Variants in IDO1 observed in about 807,000 individuals in gnomAD.
IDO1 encodes the protein indolamine 2,3 dioxygenase.
A neutral mutation model predicts 38.8 loss-of-function variants in IDO1; 35 were observed. The observed-to-expected ratio is 0.90, with a 90% CI of 0.69 to 1.20. The LOEUF (loss-of-function observed/expected upper bound fraction) is 1.20, where lower values mean the gene tolerates loss of function less well. Ranked by LOEUF, IDO1 falls within the 50% of genes most tolerant of loss-of-function variation. The pLI, the probability that IDO1 is intolerant of heterozygous loss-of-function variation, is 0.00. For missense variants in IDO1, 509 were observed against 485.1 expected, an observed-to-expected ratio of 1.05 and a Z score of -0.46; for synonymous variants, 171 against 170.0, an observed-to-expected ratio of 1.01 and a Z score of -0.05.
Position 39,928,337 on chromosome 8 carries a change from A to G in IDO1, c.*152A>G, listed in dbSNP as rs892525977. ...CTCAAAATACCTGTGCATTTCTTGT[A>G]GGAAAACAACAAAAGGTAATTATGT... On this transcript the variant is annotated 3_prime_UTR_variant, in exon 10 of 10. Transcript: ENST00000518237. 1.1e-4 allele frequency: 63 copies of G among 572,094 alleles called. No individual in the cohort carries two copies. Among genetic ancestry groups the G allele is most frequent in the Middle Eastern group, 4.6e-4 (1 of 2,160 alleles). The allele number at this position is 572,094 out of a possible 1,614,324, so 35.4% of individuals were successfully genotyped here.
chr8:39,917,852 A>C, intron 1 of IDO1, 23 bp from the exon 2 acceptor site: 3 of 1,466,312 alleles, frequency 2.0e-6, no homozygotes, highest in Non-Finnish European at 2.8e-6. Flanking sequence ...ACTACTAAAT[A>C]AAGATCTTTT....
intron 3 of IDO1, 105 bp from the exon 4 acceptor site, chr8:39,918,710 C>T (rs571012439): frequency 4.3e-5 from 27 of 633,140 alleles, no homozygotes; most frequent in South Asian, 2.6e-4. Context: ...CCTGCCACTG[C>T]GCTCCAGCCT....
At chr8:39,926,010 AC>A (rs1272926136) in intron 9 of IDO1, among the ~76,000 whole-genome samples, 2 of 151,030 alleles carry the variant, frequency 1.3e-5, no homozygotes, top group Non-Finnish European at 2.9e-5. Context: ...ACACGGTGAA[AC>A]CCTGTCTCTA....
Position 39,918,847 on chromosome 8 carries a change from C to A in IDO1, c.336C>A (p.Cys112Ter), listed in dbSNP as rs1807225544. The change falls in exon 4 of 10, where the codon TGC becomes TGA. Residue 112 changes from cysteine (C) to a stop codon, truncating the protein, a stop_gained. Coordinates refer to ENST00000518237, the MANE Select transcript of IDO1 (RefSeq NM_002164.6). LOFTEE classifies it high-confidence loss of function. ...CAAGAAATATTGCTGTTCCTTACTG[C>A]CAACTCTCCAAGAAACTGGAACTGC... ...VLPRNIAVPYCQLSKKLELPP... is the reference protein window; with the variant it reads ...VLPRNIAVPY The A allele has an allele frequency of 6.2e-7, 1 of 1,612,438 alleles. No individual in the cohort carries two copies. The highest frequency in any genetic ancestry group is 8.5e-7 in the Non-Finnish European group (1 of 1,178,814).
intron 1 of IDO1, among the ~76,000 whole-genome samples, chr8:39,914,755 TA>T (rs991945693): frequency 3.0e-4 from 45 of 151,978 alleles, no homozygotes; most frequent in Admixed American, 2.8e-3. Flanking sequence ...TTATGTATGT[TA>T]TTTATTTATT....
Position 39,928,185 on chromosome 8 carries a change from A to T in IDO1, c.1212A>T (p.Ter404TyrextTer29). Residue 404 changes from the stop codon to tyrosine, a stop_lost, in exon 10 of 10, where the codon TAA becomes TAT. Coordinates refer to ENST00000518237, the MANE Select transcript of IDO1 (RefSeq NM_002164.6). ...AGAAATCCCTTTTGAAGGAAGGTTA[A>T]TGTAACCCAACAAGAGCACATTTTA... is the stretch of plus-strand genomic sequence containing the variant. ...TTEKSLLKEG[*>Y] 1 of 1,599,134 alleles carries T rather than the reference A, an allele frequency of 6.3e-7. No homozygotes were observed. The highest frequency in any genetic ancestry group is 8.5e-7 in the Non-Finnish European group (1 of 1,170,756).
At position 39,918,169 on chromosome 8, in the gene IDO1, G is replaced by A. The variant is rs756686054; in HGVS notation, c.265G>A (p.Ala89Thr). ...ARLVLGCITM[A>T]YVWGKGHGDV... ...TCTAGTTCTGGGATGCATCACCATG[G>A]CATATGTGTGGGGCAAAGGTCATGG... The change falls in exon 3 of 10, where the codon GCA becomes ACA. Residue 89 changes from alanine to threonine, a missense_variant. Physicochemically the swap from Ala to Thr is moderately conservative, Grantham distance 58 (BLOSUM62 0). Coordinates refer to ENST00000518237, the MANE Select transcript of IDO1 (RefSeq NM_002164.6). 1.2e-6 allele frequency: 2 copies of A among 1,613,854 alleles called. No homozygotes were observed. Among genetic ancestry groups the A allele is most frequent in the Non-Finnish European group, 1.7e-6 (2 of 1,179,814 alleles).
At chr8:39,916,431 T>C (rs1807176367) in intron 1 of IDO1, among the ~76,000 whole-genome samples, 1 of 152,004 alleles carries the variant, frequency 6.6e-6, no homozygotes, top group Admixed American at 6.6e-5. Context: ...TGAACTGAGA[T>C]TGCGCCACTG....
At chr8:39,919,704 G>T (rs1807241139) in intron 4 of IDO1, among the ~76,000 whole-genome samples, 1 of 152,106 alleles carries the variant, frequency 6.6e-6, no homozygotes, top group Non-Finnish European at 1.5e-5. Context: ...ACCGGGAATG[G>T]TGGCGTATGT....
intron 9 of IDO1, among the ~76,000 whole-genome samples, chr8:39,926,788 A>G (rs1807366860): frequency 6.6e-6 from 1 of 152,140 alleles, no homozygotes. Flanking sequence ...CCCCTCACCC[A>G]AGTATAGAAC....
Position 39,913,999 on chromosome 8 carries a change from C to A in IDO1, c.77C>A (p.Pro26Gln). ...HIDEEVGFAL[P>Q]NPQENLPDFY... ...GATGAAGAAGTGGGCTTTGCTCTGCCAAATCCACAGGTAAGAGAAGGCAGT... is the reference window on the plus strand; with the variant it reads ...GATGAAGAAGTGGGCTTTGCTCTGCAAAATCCACAGGTAAGAGAAGGCAGT... The change falls in exon 1 of 10, where the codon CCA (proline) becomes CAA (glutamine). Residue 26 changes from proline to glutamine, a missense_variant. Transcript: ENST00000518237. The A allele has an allele frequency of 6.4e-7, 1 of 1,566,788 alleles. No homozygotes were observed. The highest frequency in any genetic ancestry group is 1.2e-5 in the South Asian group (1 of 84,964).
At chr8:39,923,019 C>A in intron 6 of IDO1, 1 of 213,180 alleles carries the variant, frequency 4.7e-6, no homozygotes, top group Non-Finnish European at 9.3e-6. Context: ...AAAACAAATC[C>A]AAGCTTCTAT....
intron 9 of IDO1, among the ~76,000 whole-genome samples, chr8:39,925,935 C>A (rs753469169): frequency 2.0e-5 from 3 of 152,056 alleles, no homozygotes; most frequent in Non-Finnish European, 2.9e-5. Context: ...CGCCTGTAAT[C>A]CTAGCACTTT....
intron 5 of IDO1, among the ~76,000 whole-genome samples, chr8:39,921,970 TTC>T (rs1286513900): frequency 1.3e-5 from 2 of 152,132 alleles, no homozygotes; most frequent in Admixed American, 6.5e-5. Context: ...GAATTTCTAA[TTC>T]TGAGTGTTTT....
At chr8:39,925,128 A>AC in intron 8 of IDO1, 95 bp from the exon 9 acceptor site, 1 of 1,156,134 alleles carries the variant, frequency 8.6e-7, no homozygotes, top group Non-Finnish European at 1.2e-6. Context: ...ATCTCTTGTC[A>AC]CCTTCTGTTC....
intron 7 of IDO1, among the ~76,000 whole-genome samples, chr8:39,924,279 A>T (rs1807324281): frequency 6.6e-6 from 1 of 152,054 alleles, no homozygotes; most frequent in South Asian, 2.1e-4. Context: ...AGGTGGGAAG[A>T]TTGCTTGAGC....
intron 7 of IDO1, among the ~76,000 whole-genome samples, chr8:39,924,453 GGTTT>G (rs527597281): frequency 4.0e-5 from 6 of 151,598 alleles, no homozygotes; most frequent in Non-Finnish European, 8.8e-5. Flanking sequence ...TTTTGTCTTT[GGTTT>G]GTTTCTTTAT....
intron 6 of IDO1, 157 bp downstream of exon 6, chr8:39,922,808 G>C (rs899967796): frequency 3.2e-6 from 2 of 629,310 alleles, no homozygotes; most frequent in East Asian, 5.5e-5. Flanking sequence ...ATTTATTTTT[G>C]TGTATTACCT....
intron 9 of IDO1, among the ~76,000 whole-genome samples, chr8:39,926,186 C>T (rs999618611): frequency 1.3e-5 from 2 of 151,160 alleles, no homozygotes; most frequent in African/African-American, 4.9e-5. Context: ...GACTCCATCT[C>T]AAAAAAAATT....
Sources: gnomAD v4.1 joint callset for allele counts (sites outside exome capture counted in the v4.1 genomes callset) on GRCh38, gnomAD v4.1.1 for gene constraint, MANE v1.5 for transcripts, NCBI Gene and HGNC (gene_info 2026-07-23, HGNC 2026-07-21) for gene names.